The following CSMD1 variants were observed in gnomAD, a reference collection of about 807,000 sequenced individuals.
The protein encoded by CSMD1 is CUB and Sushi multiple domains 1.
In CSMD1, 213 loss-of-function variants were observed where a neutral mutation model predicts 417.5. That is an observed-to-expected ratio of 0.51 (90% CI 0.46 to 0.57). The LOEUF is 0.57. Ranked by LOEUF, CSMD1 falls within the 20% of genes least tolerant of loss-of-function variation. The pLI is 0.00. For missense variants in CSMD1, 6,923 were observed against 4,529.7 expected (o/e 1.53, Z -15.17); for synonymous variants, 2,862 against 1,736.8 (o/e 1.65, Z -16.11).
intron 49 of CSMD1, among the ~76,000 whole-genome samples, chr8:3,054,135 C>T (rs1051595012): frequency 1.4e-4 from 22 of 152,270 alleles, no homozygotes; most frequent in East Asian, 3.9e-4. Context: ...AGGTTATCTC[C>T]GGTATTGTTG....
Position 3,746,876 on chromosome 8 carries a change from C to G in CSMD1, c.931+7054G>C, listed in dbSNP as rs570618592. ...GGGTGGGGCTAAGAAATTGTCATCA[C>G]ATGGCCAGCCCAAGAGGACTGAGTA... On this transcript the variant is annotated intron_variant, in intron 6 of 69. Transcript: ENST00000635120. 1.4e-4 allele frequency among the ~76,000 whole-genome samples: 22 copies of G among 152,338 alleles called. 1 individual carries two copies. In the South Asian group the frequency reaches 4.6e-3, roughly 32 times the overall value.
chr8:3,482,627 C>G (rs1338487062), intron 11 of CSMD1, among the ~76,000 whole-genome samples: 1 of 152,182 alleles, frequency 6.6e-6, no homozygotes, highest in Non-Finnish European at 1.5e-5. Flanking sequence ...GATATTCAAT[C>G]AACCAACAGG....
chr8:4,011,794 C>A (rs1333100327), intron 4 of CSMD1, among the ~76,000 whole-genome samples: 3 of 152,028 alleles, frequency 2.0e-5, no homozygotes, highest in African/African-American at 7.2e-5. Flanking sequence ...ATATTAAAAC[C>A]AAATAAAAAT....
In CSMD1 at chr8:3,300,111, A is replaced by G. The variant is rs1476764731; in HGVS notation, c.3950+7584T>C. 3.3e-5 allele frequency among the ~76,000 whole-genome samples: 5 copies of G among 152,240 alleles called. No individual in the cohort carries two copies. The East Asian group carries it at 7.7e-4, about 23-fold the overall frequency. ...AAATAAATTAAGGCACATTCAGGCA[A>G]TGGAATACTATCCGGTAACTAAATA... On this transcript the variant is annotated intron_variant, in intron 25 of 69. Coordinates refer to ENST00000635120, the MANE Select transcript of CSMD1 (RefSeq NM_033225.6).
chr8:3,682,158 A>C (rs1050359978), intron 7 of CSMD1, among the ~76,000 whole-genome samples: 1 of 152,218 alleles, frequency 6.6e-6, no homozygotes, highest in African/African-American at 2.4e-5. Context: ...AAAACACCAA[A>C]AGCAATGGCA....
At chr8:3,851,060 G>A (rs928212961) in intron 5 of CSMD1, among the ~76,000 whole-genome samples, 1 of 152,206 alleles carries the variant, frequency 6.6e-6, no homozygotes, top group African/African-American at 2.4e-5. Flanking sequence ...AATGAATGTA[G>A]AAGGAATATT....
chr8:4,084,778 G>C (rs1047240637), intron 3 of CSMD1, among the ~76,000 whole-genome samples: 1 of 140,336 alleles, frequency 7.1e-6, no homozygotes, highest in African/African-American at 2.6e-5. Context: ...CTTTTATGTA[G>C]CATTTCCATT....
chr8:3,193,573 C>T (rs1434677166), intron 33 of CSMD1, among the ~76,000 whole-genome samples: 1 of 152,130 alleles, frequency 6.6e-6, no homozygotes. Flanking sequence ...GAGAAAAATT[C>T]TATTGTCTGT....
intron 3 of CSMD1, among the ~76,000 whole-genome samples, chr8:4,193,888 A>G (rs1467765577): frequency 1.3e-5 from 2 of 151,830 alleles, no homozygotes; most frequent in Non-Finnish European, 2.9e-5. Flanking sequence ...AGAACTGGCC[A>G]CCTCCACGAA....
chr8:3,375,509 C>G (rs940017716), intron 18 of CSMD1, among the ~76,000 whole-genome samples: 2 of 152,074 alleles, frequency 1.3e-5, no homozygotes, highest in African/African-American at 4.8e-5. Flanking sequence ...TCTCCATGCC[C>G]TACAGAAGTC....
intron 7 of CSMD1, among the ~76,000 whole-genome samples, chr8:3,636,151 A>G (rs548953773): frequency 2.0e-4 from 30 of 152,324 alleles, no homozygotes; most frequent in African/African-American, 7.0e-4. Context: ...CCTACAACAC[A>G]GGGTCAGAAT....
intron 1 of CSMD1, among the ~76,000 whole-genome samples, chr8:4,767,542 C>T (rs1812546256): frequency 6.6e-6 from 1 of 152,162 alleles, no homozygotes; most frequent in Admixed American, 6.5e-5. Flanking sequence ...ATCTCACCAT[C>T]CTGTCCTGTG....
chr8:4,761,898 T>C (rs10093772), intron 1 of CSMD1, among the ~76,000 whole-genome samples: 3,417 of 87,092 alleles, frequency 0.039, 83 homozygotes, highest in Middle Eastern at 0.069. Context: ...TACCTACCTA[T>C]CTATCTATCT....
intron 2 of CSMD1, among the ~76,000 whole-genome samples, chr8:4,526,339 G>T (rs192482236): frequency 2.0e-5 from 3 of 152,308 alleles, no homozygotes; most frequent in Admixed American, 2.0e-4. Context: ...AAATACTATG[G>T]TATTAGGTTC....
rs1308701333 is a variant in CSMD1, at chr8:4,891,214, C to G, written c.85+103118G>C. 2.0e-5 allele frequency among the ~76,000 whole-genome samples: 3 copies of G among 152,102 alleles called. No individual in the cohort carries two copies. The East Asian group carries it at 5.8e-4, about 29-fold the overall frequency. ...TGAAACATGTGACAGTCACATCTCACTATGAAGAGGTAAAATTCTATGTGC... is the reference window on the plus strand; with the variant it reads ...TGAAACATGTGACAGTCACATCTCAGTATGAAGAGGTAAAATTCTATGTGC... On this transcript the variant is annotated intron_variant, in intron 1 of 69. Coordinates refer to ENST00000635120, the MANE Select transcript of CSMD1 (RefSeq NM_033225.6).
intron 1 of CSMD1, among the ~76,000 whole-genome samples, chr8:4,946,653 A>C (rs993726417): frequency 1.2e-4 from 19 of 152,204 alleles, no homozygotes; most frequent in Non-Finnish European, 2.4e-4. Context: ...CTGACTCCCG[A>C]ATTAAAAATG....
chr8:4,588,119 T>C (rs914450895), intron 2 of CSMD1, among the ~76,000 whole-genome samples: 2 of 152,042 alleles, frequency 1.3e-5, no homozygotes, highest in African/African-American at 2.4e-5. Context: ...CTAGCTAGAG[T>C]GGATAATAAT....
chr8:4,846,228 C>A (rs969192193), intron 1 of CSMD1, among the ~76,000 whole-genome samples: 11 of 152,052 alleles, frequency 7.2e-5, no homozygotes, highest in African/African-American at 2.7e-4. Context: ...TTGACCTGTA[C>A]AAAAAATATA....
At chr8:3,306,650 A>G (rs1804873740) in intron 25 of CSMD1, among the ~76,000 whole-genome samples, 1 of 135,110 alleles carries the variant, frequency 7.4e-6, no homozygotes. Context: ...GAAAATTAAT[A>G]ACAACAATGA....
Sources: gnomAD v4.1 joint callset for allele counts (sites outside exome capture counted in the v4.1 genomes callset) on GRCh38, gnomAD v4.1.1 for gene constraint, MANE v1.5 for transcripts, NCBI Gene and HGNC (gene_info 2026-07-23, HGNC 2026-07-21) for gene names.